The following CEP70 variants were observed in gnomAD, a reference collection of about 807,000 sequenced individuals.
CEP70 encodes the protein centrosomal protein 70.
A neutral mutation model predicts 90.9 loss-of-function variants in CEP70; 70 were observed. That is an observed-to-expected ratio of 0.77 (90% CI 0.64 to 0.94). The LOEUF is 0.94. Ranked by LOEUF, CEP70 falls within the 40% of genes least tolerant of loss-of-function variation. CEP70 has a pLI of 0.00. For missense variants in CEP70, 648 were observed against 669.0 expected (o/e 0.97, Z 0.35); for synonymous variants, 220 against 228.3 (o/e 0.96, Z 0.33).
At chr3:138,514,647 T>C (rs2035841003) in intron 11 of CEP70, among the ~76,000 whole-genome samples, 1 of 151,992 alleles carries the variant, frequency 6.6e-6, no homozygotes, top group Non-Finnish European at 1.5e-5. Context: ...TTTAAATTTT[T>C]TAAGTTTAAG....
intron 17 of CEP70, chr3:138,496,901 A>C (rs1387460543): frequency 1.0e-6 from 1 of 985,548 alleles, no homozygotes; most frequent in Non-Finnish European, 1.2e-6. Flanking sequence ...AATAAGTGTT[A>C]CCAGCACACC....
At position 138,529,227 on chromosome 3, in the gene CEP70, G is replaced by C; in HGVS notation, c.841C>G (p.Leu281Val). The C allele has an allele frequency of 6.2e-7, 1 of 1,607,262 alleles. No individual in the cohort carries two copies. Among genetic ancestry groups the C allele is most frequent in the Non-Finnish European group, 8.5e-7 (1 of 1,177,042 alleles). Reference sequence around the variant, plus strand: ...GTTTCCAAATCTTTTTGGAGGTTCAGCTTTTCACTTGAAAGTGCATCAATC... The same window carrying C: ...GTTTCCAAATCTTTTTGGAGGTTCACCTTTTCACTTGAAAGTGCATCAATC... ...SKIDALSSEK[L>V]NLQKDLETRP... is the part of the protein sequence containing the mutation. The change falls in exon 10 of 18, where the codon CTG becomes GTG. Residue 281 changes from leucine to valine, a missense_variant. Physicochemically the swap from Leu to Val is conservative, Grantham distance 32. Transcript: ENST00000264982.
chr3:138,540,363 T>C (rs1205948060), intron 6 of CEP70, among the ~76,000 whole-genome samples: 1 of 151,894 alleles, frequency 6.6e-6, no homozygotes, highest in Non-Finnish European at 1.5e-5. Flanking sequence ...TGGTGGCGCA[T>C]GCCTGTAGTC....
rs554417638 is a variant in CEP70 at position 138,551,758 on chromosome 3, A to T, written c.466-14411T>A. On this transcript the variant is annotated intron_variant, in intron 6 of 17. Coordinates refer to ENST00000264982, the MANE Select transcript of CEP70 (RefSeq NM_024491.4). ...TGAAACTCCATCTAAAAAAAAAAAAATAAAATAAAACAAAACCCAAAGTAT... is the reference window on the plus strand; with the variant it reads ...TGAAACTCCATCTAAAAAAAAAAAATTAAAATAAAACAAAACCCAAAGTAT... Among the ~76,000 whole-genome samples the T allele has an allele frequency of 4.7e-4, 67 of 141,908 alleles. 1 individual carries two copies. The highest frequency in any genetic ancestry group is 8.8e-4 in the South Asian group (4 of 4,532). The allele number at this position is 141,908 out of a possible 152,430, so 93.1% of individuals were successfully genotyped here. A position where few individuals can be genotyped will look rare whatever the true frequency, so the allele number is the denominator to read the frequency against.
intron 6 of CEP70, among the ~76,000 whole-genome samples, chr3:138,558,086 C>T (rs1231027238): frequency 1.3e-5 from 2 of 152,076 alleles, no homozygotes; most frequent in African/African-American, 4.8e-5. Flanking sequence ...GAAAACTGGC[C>T]AGGCACAGTG....
At chr3:138,529,613 CACT>C in intron 8 of CEP70, 151 bp from the exon 9 acceptor site, 2 of 609,342 alleles carry the variant, frequency 3.3e-6, no homozygotes, top group South Asian at 4.2e-5. Flanking sequence ...GGTATTAGAA[CACT>C]ACTACTATCT....
intron 5 of CEP70, 89 bp from the exon 6 acceptor site, chr3:138,570,587 TAA>T: frequency 1.0e-6 from 1 of 997,074 alleles, no homozygotes; most frequent in South Asian, 1.6e-5. Context: ...ATTGCCTTTC[TAA>T]AGTTTCTTTG....
intron 2 of CEP70, among the ~76,000 whole-genome samples, chr3:138,575,911 T>G (rs1052988061): frequency 4.6e-5 from 7 of 152,192 alleles, no homozygotes; most frequent in African/African-American, 1.7e-4. Context: ...AAAGAGATTG[T>G]GTCACCACCA....
chr3:138,571,202 A>G, intron 4 of CEP70, 45 bp from the exon 5 acceptor site: 2 of 1,532,776 alleles, frequency 1.3e-6, no homozygotes, highest in African/African-American at 1.4e-5. Context: ...AATAAAAGGC[A>G]AAAAAAATTT....
chr3:138,592,012 A>T (rs1041618181), intron 1 of CEP70, 56 bp from the exon 2 acceptor site: 12 of 622,636 alleles, frequency 1.9e-5, no homozygotes, highest in African/African-American at 1.1e-4. Context: ...CCTCCTAGTA[A>T]GAATGGTCTT....
At chr3:138,521,946 T>C (rs1009350235) in intron 11 of CEP70, among the ~76,000 whole-genome samples, 4 of 152,208 alleles carry the variant, frequency 2.6e-5, no homozygotes, top group African/African-American at 9.6e-5. Flanking sequence ...CTAAGAAAAA[T>C]TCTTCTGCCT....
chr3:138,581,293 A>G lies in CEP70; in HGVS notation c.-5-8361T>C, dbSNP rs560053814. ...TGAGACTCCATCTCAAAAAAAAAAA[A>G]AAAGAAAGAAAAGAAAAAAGAATGA... is the stretch of plus-strand genomic sequence containing the variant. On this transcript the variant is annotated intron_variant, in intron 2 of 17. Transcript: ENST00000264982. Among the ~76,000 whole-genome samples the G allele has an allele frequency of 1.4e-4, 21 of 152,022 alleles. No homozygotes were observed. The South Asian group carries it at 2.9e-3, about 21-fold the overall frequency.
intron 10 of CEP70, among the ~76,000 whole-genome samples, chr3:138,527,064 AAACT>A (rs2037326265): frequency 6.6e-6 from 1 of 152,256 alleles, no homozygotes; most frequent in South Asian, 2.1e-4. Context: ...TAGGAAATAT[AAACT>A]AACGTATAAT....
At chr3:138,553,182 CAA>C (rs973535374) in intron 6 of CEP70, among the ~76,000 whole-genome samples, 1 of 145,516 alleles carries the variant, frequency 6.9e-6, no homozygotes. Context: ...ATACTGCCTT[CAA>C]AAAAAAAAAT....
intron 6 of CEP70, among the ~76,000 whole-genome samples, chr3:138,560,653 T>G (rs1182885826): frequency 6.6e-6 from 1 of 152,104 alleles, no homozygotes; most frequent in African/African-American, 2.4e-5. Context: ...CGCAGCAGTC[T>G]GAGGTCAACC....
intron 2 of CEP70, 124 bp from the exon 3 acceptor site, chr3:138,573,056 CA>C: frequency 1.5e-6 from 1 of 659,922 alleles, no homozygotes; most frequent in East Asian, 2.6e-5. Flanking sequence ...ACTACTCTTG[CA>C]GGGCAATTCA....
In CEP70 at chr3:138,563,254, G is replaced by C. The variant is rs147917468; in HGVS notation, c.465+7064C>G. ...AGACTCCCACAAAATAATAGTGGGA[G>C]ACTTTAACACCCCACTATCAATATT... On this transcript the variant is annotated intron_variant, in intron 6 of 17. Coordinates refer to ENST00000264982, the MANE Select transcript of CEP70 (RefSeq NM_024491.4). Among the ~76,000 whole-genome samples, 8 of 152,090 alleles carry C rather than the reference G, an allele frequency of 5.3e-5. No individual in the cohort carries two copies. The East Asian group carries it at 7.7e-4, about 15-fold the overall frequency.
chr3:138,559,772 T>C (rs535169100), intron 6 of CEP70, among the ~76,000 whole-genome samples: 1 of 152,122 alleles, frequency 6.6e-6, no homozygotes, highest in African/African-American at 2.4e-5. Context: ...ATATTAAAGG[T>C]AGTCAGAGAT....
chr3:138,539,602 G>A (rs921846154), intron 6 of CEP70, among the ~76,000 whole-genome samples: 1 of 152,090 alleles, frequency 6.6e-6, no homozygotes, highest in Non-Finnish European at 1.5e-5. Flanking sequence ...CAGTGAGCCT[G>A]AAGACAGGCT....
Sources: allele counts gnomAD v4.1 joint callset (sites outside exome capture counted in the v4.1 genomes callset), GRCh38; gene constraint gnomAD v4.1.1; transcripts MANE v1.5; gene names NCBI Gene and HGNC (gene_info 2026-07-23, HGNC 2026-07-21).